The following DICER1 variants were observed in gnomAD, a reference collection of about 807,000 sequenced individuals.
DICER1 encodes the protein dicer 1, ribonuclease III, also known as endoribonuclease Dicer.
DICER1 carries 43 observed loss-of-function variants against 194.1 expected under a neutral mutation model. That is an observed-to-expected ratio of 0.22 (90% CI 0.17 to 0.29). The LOEUF (loss-of-function observed/expected upper bound fraction) is 0.29. Among genes scored for constraint, DICER1 ranks in the 10% least tolerant of loss-of-function variants. The pLI is 1.00. For synonymous variants in DICER1, 832 were observed against 820.5 expected (o/e 1.01, Z -0.24); for missense variants, 1,608 against 2,317.0 (o/e 0.69, Z 6.28).
At position 95,090,036 on chromosome 14, in the gene DICER1, AT is replaced by A; in HGVS notation, c.*461del. The A allele has an allele frequency of 3.4e-6, 1 of 296,030 alleles. No individual in the cohort carries two copies. Among genetic ancestry groups the A allele is most frequent in the East Asian group, 5.2e-5 (1 of 19,148 alleles). The allele number at this position is 296,030 out of a possible 1,614,324, so 18.3% of individuals were successfully genotyped here. The stretch of plus-strand genomic sequence containing the variant: ...CTCCTCTCGAAAACCTTATCTTTCT[AT>A]TCAGCTTATCAACTACTGCAGGACT... On this transcript the variant is annotated 3_prime_UTR_variant, in exon 27 of 27. Transcript: ENST00000343455.
At chr14:95,099,435 A>AT (rs1890657829) in intron 22 of DICER1, among the ~76,000 whole-genome samples, 3 of 152,166 alleles carry the variant, frequency 2.0e-5, no homozygotes, top group Non-Finnish European at 2.9e-5. Context: ...CACTGAACAG[A>AT]GCTAAGGATC....
rs189661484 is a variant in DICER1 at position 95,089,466 on chromosome 14, T to C, written c.*1032A>G. On this transcript the variant is annotated 3_prime_UTR_variant, in exon 27 of 27. Coordinates refer to ENST00000343455, the MANE Select transcript of DICER1 (RefSeq NM_177438.3). ...AATCAATTATAAAATCTGCAGCATA[T>C]TTTAGGTGTGATATGTCTAAGGTTT... 11 of 232,540 alleles carry C rather than the reference T, an allele frequency of 4.7e-5. No individual in the cohort carries two copies. Among genetic ancestry groups the C allele is most frequent in the Middle Eastern group, 1.3e-3 (1 of 778 alleles). The allele number at this position is 232,540 out of a possible 1,614,324, so 14.4% of individuals were successfully genotyped here. A position where few individuals can be genotyped will look rare whatever the true frequency, so the allele number is the denominator to read the frequency against.
At chr14:95,155,099 T>A (rs1352289843) in intron 1 of DICER1, among the ~76,000 whole-genome samples, 1 of 152,182 alleles carries the variant, frequency 6.6e-6, no homozygotes, top group Non-Finnish European at 1.5e-5. Context: ...GATTCCTAAC[T>A]TGGGGTAATA....
intron 11 of DICER1, among the ~76,000 whole-genome samples, chr14:95,114,438 T>C (rs956040994): frequency 2.0e-5 from 3 of 152,080 alleles, no homozygotes; most frequent in Admixed American, 2.0e-4. Context: ...CATTAAAAAA[T>C]GATAATATAA....
intron 21 of DICER1, 115 bp downstream of exon 21, chr14:95,103,231 G>T: frequency 8.4e-7 from 1 of 1,186,544 alleles, no homozygotes; most frequent in Non-Finnish European, 1.2e-6. Context: ...TGCTTGGCCG[G>T]TGTAGCAATT....
At chr14:95,102,110 G>T (rs1890933649) in intron 21 of DICER1, among the ~76,000 whole-genome samples, 1 of 152,204 alleles carries the variant, frequency 6.6e-6, no homozygotes, top group Non-Finnish European at 1.5e-5. Context: ...GTGGGTGTGT[G>T]TACGTGTGTG....
intron 8 of DICER1, among the ~76,000 whole-genome samples, chr14:95,123,847 T>C (rs1893149297): frequency 6.6e-6 from 1 of 152,150 alleles, no homozygotes; most frequent in Non-Finnish European, 1.5e-5. Context: ...GTCTAACACA[T>C]AGTTAAGGAT....
At position 95,104,857 on chromosome 14, in the gene DICER1, T is replaced by C. The variant is rs1012655531; in HGVS notation, c.3269+214A>G. The stretch of plus-strand genomic sequence containing the variant: ...GCTGATGCAGTAACAAAGAACAATT[T>C]CATTCTCACTCCAACTGTTATGGCT... On this transcript the variant is annotated intron_variant, in intron 20 of 26. Transcript: ENST00000343455. Among the ~76,000 whole-genome samples, 6 of 152,366 alleles carry C rather than the reference T, an allele frequency of 3.9e-5. No individual in the cohort carries two copies. In the East Asian group the frequency reaches 1.2e-3, roughly 29 times the overall value.
At chr14:95,152,200 A>C (rs1052813819) in intron 1 of DICER1, among the ~76,000 whole-genome samples, 16 of 152,366 alleles carry the variant, frequency 1.1e-4, no homozygotes, top group African/African-American at 3.6e-4. Flanking sequence ...CAATACAGTT[A>C]AACTCCAATT....
At chr14:95,109,093 T>C (rs1481579541) in intron 14 of DICER1, among the ~76,000 whole-genome samples, 1 of 152,230 alleles carries the variant, frequency 6.6e-6, no homozygotes, top group African/African-American at 2.4e-5. Flanking sequence ...GTTTGTGAGA[T>C]AGCCTGATTT....
intron 21 of DICER1, 101 bp downstream of exon 21, chr14:95,103,245 G>A: frequency 1.5e-6 from 2 of 1,322,606 alleles, no homozygotes; most frequent in Non-Finnish European, 1.1e-6. Flanking sequence ...AGCAATTTCT[G>A]AGCATGATAC....
intron 1 of DICER1, chr14:95,140,660 G>A (rs931137178): frequency 5.9e-5 from 9 of 152,160 alleles, no homozygotes; most frequent in South Asian, 4.1e-4. Flanking sequence ...CAGATTTACC[G>A]TTTTAATGTT....
At chr14:95,103,160 C>G (rs1265633162) in intron 21 of DICER1, among the ~76,000 whole-genome samples, 186 bp downstream of exon 21, 1 of 152,178 alleles carries the variant, frequency 6.6e-6, no homozygotes, top group Non-Finnish European at 1.5e-5. Context: ...CAATACTCAT[C>G]AACTGCCAGG....
intron 11 of DICER1, 61 bp downstream of exon 11, chr14:95,115,606 G>C: frequency 1.3e-6 from 2 of 1,571,182 alleles, no homozygotes; most frequent in African/African-American, 1.3e-5. Context: ...AAAATGTACA[G>C]GTTTAGACTT....
chr14:95,087,768 C>G lies in DICER1; in HGVS notation c.*2730G>C. The G allele has an allele frequency of 4.3e-6, 1 of 233,212 alleles. No individual in the cohort carries two copies. The highest frequency in any genetic ancestry group is 8.5e-6 in the Non-Finnish European group (1 of 118,004). The allele number at this position is 233,212 out of a possible 1,614,324, so 14.4% of individuals were successfully genotyped here. On this transcript the variant is annotated 3_prime_UTR_variant, in exon 27 of 27. Transcript: ENST00000343455. ...TCATCATAAGGAATTTCTGCAGTTG[C>G]TTTTTCAAGACACGCCTCCCCAGTC...
chr14:95,132,492 T>G, intron 3 of DICER1, 23 bp downstream of exon 3: 1 of 1,612,714 alleles, frequency 6.2e-7, no homozygotes, highest in Non-Finnish European at 8.5e-7. Flanking sequence ...CCTGCACAAC[T>G]TGATAAAATA....
intron 11 of DICER1, among the ~76,000 whole-genome samples, chr14:95,114,033 T>C (rs886249506): frequency 1.3e-5 from 2 of 152,020 alleles, no homozygotes; most frequent in Non-Finnish European, 2.9e-5. Flanking sequence ...ACACTGAAAA[T>C]AGAGATATCA....
rs2140114665 is a variant in DICER1, at chr14:95,115,794, C to T, written c.1780G>A (p.Val594Ile). Residue 594 changes from valine to isoleucine, a missense_variant, in exon 11 of 27, where the codon GTT becomes ATT. By Grantham distance (29) the Val-to-Ile change is conservative (BLOSUM62 3). This residue lies in a region of DICER1 where 657 missense variants were observed against 910.1 expected (regional missense o/e 0.72). Coordinates refer to ENST00000343455, the MANE Select transcript of DICER1 (RefSeq NM_177438.3). ...KILRNKCSKS[V>I]DTGETDIDPV... ...TCAATGTCAGTCTCACCAGTATCAA[C>T]CGACTTGGAACACTTGTTTCTCAAG... The T allele has an allele frequency of 1.2e-6, 2 of 1,614,154 alleles. No homozygotes were observed. The highest frequency in any genetic ancestry group is 1.7e-6 in the Non-Finnish European group (2 of 1,180,014).
chr14:95,100,847 G>C (rs1210507774), intron 21 of DICER1, among the ~76,000 whole-genome samples: 1 of 152,194 alleles, frequency 6.6e-6, no homozygotes, highest in Admixed American at 6.5e-5. Flanking sequence ...GCAGGACAGA[G>C]GGGCAGTCCT....
Sources: allele counts gnomAD v4.1 joint callset (sites outside exome capture counted in the v4.1 genomes callset), GRCh38; gene constraint gnomAD v4.1.1; regional missense constraint gnomAD v4.1.1; transcripts MANE v1.5; gene names NCBI Gene and HGNC (gene_info 2026-07-23, HGNC 2026-07-21).